Variants in NFIB observed in about 807,000 individuals in gnomAD.
NFIB encodes nuclear factor 1 B-type.
In NFIB, 11 loss-of-function variants were observed where a neutral mutation model predicts 61.5. The observed-to-expected ratio is 0.18, with a 90% CI of 0.11 to 0.30. NFIB has a LOEUF of 0.30. Among genes scored for constraint, NFIB ranks in the 10% least tolerant of loss-of-function variants. The pLI is 1.00. For synonymous variants in NFIB, 260 were observed against 216.5 expected (o/e 1.20, Z -1.76); for missense variants, 471 against 608.9 (o/e 0.77, Z 2.38).
At chr9:14,179,847 G>A in intron 2 of NFIB, 67 bp from the exon 3 acceptor site, 2 of 1,526,992 alleles carry the variant, frequency 1.3e-6, no homozygotes, top group Non-Finnish European at 8.9e-7. Flanking sequence ...AATCCTCAAA[G>A]GACTCGAAAA....
the NFIB span, among the ~76,000 whole-genome samples, chr9:14,479,892 T>C: frequency 1.3e-5 from 2 of 151,782 alleles, no homozygotes; most frequent in Admixed American, 6.6e-5. Flanking sequence ...AGATCTGAAA[T>C]TAGATAGCAG....
At chr9:14,189,316 G>T (rs530708365) in intron 2 of NFIB, among the ~76,000 whole-genome samples, 12 of 152,250 alleles carry the variant, frequency 7.9e-5, no homozygotes. Flanking sequence ...AAACTGCCTG[G>T]AGAGTCAGGA....
intron 1 of NFIB, among the ~76,000 whole-genome samples, chr9:14,323,561 AC>A (rs2060710406): frequency 6.6e-6 from 1 of 152,238 alleles, no homozygotes; most frequent in Non-Finnish European, 1.5e-5. Flanking sequence ...AGAGATCCTG[AC>A]TAATTATGTA....
the NFIB span, among the ~76,000 whole-genome samples, chr9:14,415,895 C>T: frequency 6.6e-6 from 1 of 151,996 alleles, no homozygotes; most frequent in Non-Finnish European, 1.5e-5. Flanking sequence ...GGAAATTGGC[C>T]ACTGAGCCAT....
chr9:14,407,631 C>G, the NFIB span, among the ~76,000 whole-genome samples: 3 of 152,136 alleles, frequency 2.0e-5, no homozygotes, highest in Non-Finnish European at 4.4e-5. Context: ...GTGGAATAAA[C>G]ATTTCCAAAG....
chr9:14,401,389 T>A (rs539971192), upstream of NFIB, among the ~76,000 whole-genome samples: 1 of 152,310 alleles, frequency 6.6e-6, no homozygotes, highest in South Asian at 2.1e-4. Context: ...GCTTCCAATC[T>A]CTGGGGTCTT....
chr9:14,226,071 T>C (rs1282639209), intron 2 of NFIB, among the ~76,000 whole-genome samples: 1 of 151,542 alleles, frequency 6.6e-6, no homozygotes, highest in African/African-American at 2.4e-5. Flanking sequence ...GGAAGGTATG[T>C]ACTATACATT....
At chr9:14,463,922 A>T in the NFIB span, among the ~76,000 whole-genome samples, 5 of 152,106 alleles carry the variant, frequency 3.3e-5, no homozygotes, top group Non-Finnish European at 5.9e-5. Context: ...GGCCTCCCAA[A>T]GTGCTGGGAT....
intron 2 of NFIB, among the ~76,000 whole-genome samples, chr9:14,219,069 T>G (rs957668777): frequency 1.5e-4 from 23 of 152,188 alleles, no homozygotes; most frequent in African/African-American, 5.3e-4. Context: ...GGGTGGCTAA[T>G]GAAGCTCATG....
At chr9:14,278,315 G>A (rs1346527233) in intron 2 of NFIB, among the ~76,000 whole-genome samples, 1 of 152,220 alleles carries the variant, frequency 6.6e-6, no homozygotes, top group East Asian at 1.9e-4. Context: ...AGGACCAAAT[G>A]TTGACAGTGG....
intron 3 of NFIB, among the ~76,000 whole-genome samples, chr9:14,157,908 T>G (rs1428573929): frequency 1.3e-5 from 2 of 151,982 alleles, no homozygotes; most frequent in East Asian, 1.9e-4. Flanking sequence ...ATCAGGAGTT[T>G]GAGACCAGCC....
intron 10 of NFIB, among the ~76,000 whole-genome samples, chr9:14,111,805 G>A (rs753021046): frequency 1.3e-5 from 2 of 152,010 alleles, no homozygotes; most frequent in Non-Finnish European, 2.9e-5. Context: ...GGTTTGTTTT[G>A]TTTTGCTTTT....
intron 2 of NFIB, among the ~76,000 whole-genome samples, chr9:14,208,544 T>C (rs1343682934): frequency 6.6e-6 from 1 of 151,826 alleles, no homozygotes; most frequent in Non-Finnish European, 1.5e-5. Flanking sequence ...ATTTTCCTGG[T>C]ATTTTTACTT....
Position 14,098,551 on chromosome 9 carries a change from A to C in NFIB, c.1468-10225T>G, listed in dbSNP as rs73409949. The stretch of plus-strand genomic sequence containing the variant: ...GCCAGTCAGGGAGTAACTGCTGTAT[A>C]TGTTTATGTCCACATAACTCACATA... On this transcript the variant is annotated intron_variant, in intron 10 of 10. Coordinates refer to ENST00000380953, the MANE Select transcript of NFIB (RefSeq NM_001190737.2). 2.0e-3 allele frequency among the ~76,000 whole-genome samples: 306 copies of C among 152,308 alleles called. 1 individual carries two copies. The highest frequency in any genetic ancestry group is 6.8e-3 in the African/African-American group (281 of 41,572).
intron 7 of NFIB, among the ~76,000 whole-genome samples, chr9:14,121,029 G>A (rs772627848): frequency 1.6e-4 from 24 of 152,156 alleles, no homozygotes; most frequent in Non-Finnish European, 2.9e-4. Context: ...TTGGGCGGCT[G>A]GGGCAGGTGG....
At chr9:14,321,211 A>G (rs746292079) in intron 1 of NFIB, among the ~76,000 whole-genome samples, 26 of 152,190 alleles carry the variant, frequency 1.7e-4, no homozygotes, top group Non-Finnish European at 2.9e-4. Context: ...AAAAGAAGAC[A>G]AGGAGAACGA....
At chr9:14,472,369 C>G in the NFIB span, among the ~76,000 whole-genome samples, 1 of 152,124 alleles carries the variant, frequency 6.6e-6, no homozygotes, top group Non-Finnish European at 1.5e-5. Context: ...ATTTTTATTC[C>G]AGATCCACTT....
chr9:14,318,505 C>CTTTTTTTTTT (rs34481505), upstream of NFIB, among the ~76,000 whole-genome samples: 39 of 66,860 alleles, frequency 5.8e-4, no homozygotes, highest in African/African-American at 9.8e-4. Context: ...CACTCGATGC[C>CTTTTTTTTTT]TTTTTTTTTT....
intron 10 of NFIB, among the ~76,000 whole-genome samples, chr9:14,098,141 T>C (rs1481138003): frequency 6.6e-6 from 1 of 152,142 alleles, no homozygotes; most frequent in East Asian, 1.9e-4. Flanking sequence ...AACACAAAAA[T>C]CCTCCCAATT....
Sources: gnomAD v4.1 joint callset for allele counts (sites outside exome capture counted in the v4.1 genomes callset) on GRCh38, gnomAD v4.1.1 for gene constraint, MANE v1.5 for transcripts, NCBI Gene and HGNC (gene_info 2026-07-23, HGNC 2026-07-21) for gene names.